The following HHLA1 variants were observed in gnomAD, a reference collection of about 807,000 sequenced individuals.
HHLA1 encodes HERV-H LTR-associating protein 1.
Under a neutral mutation model 69.9 loss-of-function variants are expected in HHLA1, and 72 were observed. The observed-to-expected ratio is 1.03, with a 90% CI of 0.85 to 1.25. The LOEUF is 1.25. HHLA1 is among the 50% of genes most tolerant of loss of function. The pLI is 0.00. For synonymous variants in HHLA1, 252 were observed against 233.2 expected, an observed-to-expected ratio of 1.08 and a Z score of -0.73; for missense variants, 685 against 642.2, an observed-to-expected ratio of 1.07 and a Z score of -0.72.
intron 15 of HHLA1, among the ~76,000 whole-genome samples, chr8:132,070,896 C>G (rs1823527429): frequency 6.6e-6 from 1 of 152,094 alleles, no homozygotes; most frequent in Non-Finnish European, 1.5e-5. Flanking sequence ...TACAACTCAA[C>G]TCAACTCATC....
At chr8:132,107,404 G>T (rs34980361) in intron 1 of HHLA1, among the ~76,000 whole-genome samples, 28,087 of 151,976 alleles carry the variant, frequency 0.18, 2,639 homozygotes, top group East Asian at 0.22. Flanking sequence ...AGGTTCAAAT[G>T]GTTCTCATGC....
At chr8:132,100,196 G>A (rs1824090825) in intron 3 of HHLA1, 62 bp from the exon 4 acceptor site, 2 of 1,280,548 alleles carry the variant, frequency 1.6e-6, no homozygotes, top group Non-Finnish European at 2.2e-6. Flanking sequence ...CCCCAGGAAT[G>A]GAAGAAGCCT....
intron 7 of HHLA1, among the ~76,000 whole-genome samples, chr8:132,091,127 T>C (rs1487303520): frequency 2.6e-5 from 4 of 152,210 alleles, no homozygotes; most frequent in Non-Finnish European, 5.9e-5. Flanking sequence ...AAATTCTCCT[T>C]TGTTTATTAA....
chr8:132,068,815 C>A (rs1436858132), intron 15 of HHLA1, among the ~76,000 whole-genome samples: 7 of 152,156 alleles, frequency 4.6e-5, no homozygotes, highest in Admixed American at 4.6e-4. Flanking sequence ...TGTTATCCTG[C>A]AAGGAGTGTG....
intron 3 of HHLA1, chr8:132,101,147 T>G: frequency 6.6e-7 from 1 of 1,521,158 alleles, no homozygotes; most frequent in Non-Finnish European, 8.8e-7. Context: ...ACATTTTCAT[T>G]TTGCAAATAG....
intron 1 of HHLA1, among the ~76,000 whole-genome samples, chr8:132,108,944 C>A (rs944383376): frequency 2.6e-5 from 4 of 152,216 alleles, no homozygotes; most frequent in African/African-American, 9.6e-5. Context: ...AAATCGGTCA[C>A]CTTATTGTTA....
intron 3 of HHLA1, 182 bp downstream of exon 3, chr8:132,103,926 G>C (rs1021767977): frequency 1.8e-6 from 1 of 560,046 alleles, no homozygotes; most frequent in Non-Finnish European, 3.2e-6. Context: ...GATTTATTAA[G>C]ATCACAAGGA....
chr8:132,100,050 A>T, intron 4 of HHLA1, 25 bp downstream of exon 4: 1 of 1,545,794 alleles, frequency 6.5e-7, no homozygotes, highest in Non-Finnish European at 8.8e-7. Context: ...AGACAACCCA[A>T]GGGATTTGGG....
chr8:132,071,525 A>C, intron 14 of HHLA1, 32 bp from the exon 15 acceptor site: 1 of 1,548,058 alleles, frequency 6.5e-7, no homozygotes, highest in Non-Finnish European at 8.7e-7. Context: ...CAATTAAATC[A>C]GTAAGAGTTT....
At chr8:132,098,651 G>A (rs1432481781) in intron 5 of HHLA1, among the ~76,000 whole-genome samples, 1 of 151,846 alleles carries the variant, frequency 6.6e-6, no homozygotes, top group Non-Finnish European at 1.5e-5. Context: ...TTGTAAAGAT[G>A]GGGTTTTGTC....
intron 7 of HHLA1, among the ~76,000 whole-genome samples, chr8:132,095,046 A>G (rs1452378520): frequency 6.6e-6 from 1 of 152,224 alleles, no homozygotes; most frequent in African/African-American, 2.4e-5. Context: ...ACTCCAAAAC[A>G]CATACTCCAA....
At chr8:132,109,603 T>G (rs1409615147) in intron 1 of HHLA1, among the ~76,000 whole-genome samples, 4 of 152,164 alleles carry the variant, frequency 2.6e-5, no homozygotes, top group Non-Finnish European at 5.9e-5. Context: ...AAGCATCCCA[T>G]GGGACAGGCA....
Position 132,061,713 on chromosome 8 carries a change from A to C in HHLA1, c.*2282T>G, listed in dbSNP as rs944793841. On this transcript the variant is annotated 3_prime_UTR_variant, in exon 17 of 17. Transcript: ENST00000414222. ...ACACATTCAGCTCAGAAGGGGTCAA[A>C]CCTCTTATGAACTCCAGGAGACCAG... 6.6e-6 allele frequency: 1 copy of C among 152,222 alleles called. No homozygotes were observed. Among genetic ancestry groups the C allele is most frequent in the Admixed American group, 6.5e-5 (1 of 15,286 alleles). 9.4% of individuals were successfully genotyped at this position (152,222 alleles called of 1,614,324 possible).
At chr8:132,101,730 C>T (rs959398678) in intron 3 of HHLA1, among the ~76,000 whole-genome samples, 15 of 152,028 alleles carry the variant, frequency 9.9e-5, no homozygotes, top group Admixed American at 2.0e-4. Flanking sequence ...TGCACCACCA[C>T]GCCTGGCTAT....
At chr8:132,097,089 C>A (rs1005092530) in intron 5 of HHLA1, among the ~76,000 whole-genome samples, 3 of 152,200 alleles carry the variant, frequency 2.0e-5, no homozygotes, top group Non-Finnish European at 4.4e-5. Context: ...CCCCTCGGCT[C>A]TCTGGCTATT....
chr8:132,101,914 ATTG>A (rs1252220057), intron 3 of HHLA1, among the ~76,000 whole-genome samples: 1 of 152,156 alleles, frequency 6.6e-6, no homozygotes, highest in Non-Finnish European at 1.5e-5. Flanking sequence ...ATTGTTACCT[ATTG>A]TTATTATGTT....
rs540548445 is a variant in HHLA1 at position 132,071,642 on chromosome 8, C to G, written c.1316-149G>C. ...GTAAACATAGCATTCCTCACCATTA[C>G]CCAATAAAGCTACTGTAACAGTTTT... is the stretch of plus-strand genomic sequence containing the variant. On this transcript the variant is annotated intron_variant, in intron 14 of 16. Coordinates refer to ENST00000414222, the MANE Select transcript of HHLA1 (RefSeq NM_001145095.3). 53 of 683,282 alleles carry G rather than the reference C, an allele frequency of 7.8e-5. No homozygotes were observed. The African/African-American group carries it at 9.2e-4, about 12-fold the overall frequency. The allele number at this position is 683,282 out of a possible 1,614,324, so 42.3% of individuals were successfully genotyped here.
At chr8:132,091,291 T>C (rs143671682) in intron 7 of HHLA1, among the ~76,000 whole-genome samples, 98 of 152,342 alleles carry the variant, frequency 6.4e-4, no homozygotes, top group Middle Eastern at 6.8e-3. Flanking sequence ...GAAGTTGTTA[T>C]CAATTTTGCA....
rs543902310 is a variant in HHLA1 at position 132,111,105 on chromosome 8, T to C, written c.-25A>G. On this transcript the variant is annotated 5_prime_UTR_variant, in exon 1 of 17. Coordinates refer to ENST00000414222, the MANE Select transcript of HHLA1 (RefSeq NM_001145095.3). ...ATACCTACCATATACTACTTACCTA[T>C]CTTCTGAGCAGGATAAATTGACTTC... 2 of 151,940 alleles carry C rather than the reference T, an allele frequency of 1.3e-5. No individual in the cohort carries two copies. The highest frequency in any genetic ancestry group is 4.8e-5 in the African/African-American group (2 of 41,420). 9.4% of individuals were successfully genotyped at this position (151,940 alleles called of 1,614,324 possible). A position where few individuals can be genotyped will look rare whatever the true frequency, so the allele number is the denominator to read the frequency against.
Sources: allele counts gnomAD v4.1 joint callset (sites outside exome capture counted in the v4.1 genomes callset), GRCh38; gene constraint gnomAD v4.1.1; transcripts MANE v1.5; gene names NCBI Gene and HGNC (gene_info 2026-07-23, HGNC 2026-07-21).